ADGRF1: variants seen among roughly 807,000 people sequenced by gnomAD.
The protein encoded by ADGRF1 is G protein-coupled receptor 110.
In ADGRF1, 85 loss-of-function variants were observed where a neutral mutation model predicts 87.2. The ratio of observed to expected loss-of-function variants is 0.97; its 90% CI spans 0.82 to 1.17. The LOEUF (loss-of-function observed/expected upper bound fraction) is 1.17, where lower values mean the gene tolerates loss of function less well. Among genes scored for constraint, ADGRF1 ranks in the 50% most tolerant of loss-of-function variants. The pLI is 0.00. For missense variants in ADGRF1, 1,169 were observed against 1,077.2 expected (o/e 1.09, Z -1.19); for synonymous variants, 430 against 408.8 (o/e 1.05, Z -0.63).
intron 14 of ADGRF1, among the ~76,000 whole-genome samples, chr6:47,001,127 C>T (rs1779351959): frequency 6.6e-6 from 1 of 152,260 alleles, no homozygotes; most frequent in African/African-American, 2.4e-5. Flanking sequence ...TGGCCGCGTG[C>T]CCACTGCTTG....
rs773298837 is a variant in ADGRF1 at position 47,012,012 on chromosome 6, T to C, written c.1111A>G (p.Met371Val). 2 of 1,613,258 alleles carry C rather than the reference T, an allele frequency of 1.2e-6. No homozygotes were observed. The highest frequency in any genetic ancestry group is 8.5e-7 in the Non-Finnish European group (1 of 1,179,370). The change falls in exon 10 of 15, where the codon ATG becomes GTG. Residue 371 changes from methionine (M) to valine (V), a missense_variant. Met to Val is a conservative substitution (Grantham distance 21). Coordinates refer to ENST00000371253, the MANE Select transcript of ADGRF1 (RefSeq NM_153840.4). The stretch of plus-strand genomic sequence containing the variant: ...CAAGCACAGGCAGACCATACCTCCA[T>C]TGTTGAATTGGACACCCTGAAATGG... ...ASHFRVSNST[M>V]EDVISIADNI...
chr6:47,033,878 GC>G (rs1333155709), intron 1 of ADGRF1, among the ~76,000 whole-genome samples: 1 of 152,230 alleles, frequency 6.6e-6, no homozygotes, highest in Non-Finnish European at 1.5e-5. Flanking sequence ...AGAAAAGATA[GC>G]CACTTCCATC....
intron 12 of ADGRF1, among the ~76,000 whole-genome samples, chr6:47,006,734 A>G (rs907921278): frequency 3.3e-5 from 5 of 152,064 alleles, no homozygotes; most frequent in African/African-American, 1.2e-4. Context: ...ATGTCTTTGC[A>G]TCCTCAAAGC....
chr6:47,013,290 T>C, intron 9 of ADGRF1: 1 of 985,444 alleles, frequency 1.0e-6, no homozygotes, highest in African/African-American at 1.7e-5. Flanking sequence ...TAGTCTCAAC[T>C]ATTGCTCATG....
At chr6:47,040,471 C>CA (rs1458541188) in intron 1 of ADGRF1, among the ~76,000 whole-genome samples, 6 of 143,010 alleles carry the variant, frequency 4.2e-5, no homozygotes, top group African/African-American at 1.6e-4. Context: ...GACTCCGTCT[C>CA]AAAAAATAAA....
At position 47,020,175 on chromosome 6, in the gene ADGRF1, AC is replaced by A. The variant is rs1382891887; in HGVS notation, c.611+555del. 7.8e-6 allele frequency: 9 copies of A among 1,157,932 alleles called. No homozygotes were observed. In the East Asian group the frequency reaches 2.5e-4, roughly 32 times the overall value. The allele number at this position is 1,157,932 out of a possible 1,614,324, so 71.7% of individuals were successfully genotyped here. On this transcript the variant is annotated intron_variant, in intron 7 of 14. Transcript: ENST00000371253. ...GTTTTGTAGTTCTACTCACTGACCCACAGTTTTGAGAATGCTTTCCAATATT... is the reference window on the plus strand; with the variant it reads ...GTTTTGTAGTTCTACTCACTGACCCAAGTTTTGAGAATGCTTTCCAATATT...
At chr6:47,041,259 A>G (rs537659617) in intron 1 of ADGRF1, among the ~76,000 whole-genome samples, 2 of 152,374 alleles carry the variant, frequency 1.3e-5, no homozygotes, top group Non-Finnish European at 2.9e-5. Context: ...AACAGAGCAT[A>G]ATAAAAGGCT....
rs1779644366 is a variant in ADGRF1 at position 47,009,740 on chromosome 6, G to A, written c.1695C>T (p.His565=). ...TQDIVTCQCT[H]LTSFSILMSP... ...ACATCAATATGGAGAAGGAGGTCAA[G>A]TGAGTACATTGGCACGTCACGATGT... Residue 565 remains histidine (H), a synonymous_variant, in exon 11 of 15, where the codon CAC becomes CAT. Coordinates refer to ENST00000371253, the MANE Select transcript of ADGRF1 (RefSeq NM_153840.4). 6.2e-7 allele frequency: 1 copy of A among 1,614,232 alleles called. No homozygotes were observed. The highest frequency in any genetic ancestry group is 8.5e-7 in the Non-Finnish European group (1 of 1,180,030).
At chr6:47,014,646 G>T in intron 9 of ADGRF1, 35 bp downstream of exon 9, 1 of 1,598,780 alleles carries the variant, frequency 6.3e-7, no homozygotes, top group South Asian at 1.1e-5. Flanking sequence ...TGAAACTCAA[G>T]ACCAGGGCAA....
chr6:47,031,875 T>A (rs1159955426), intron 1 of ADGRF1, among the ~76,000 whole-genome samples: 1 of 152,132 alleles, frequency 6.6e-6, no homozygotes, highest in Non-Finnish European at 1.5e-5. Context: ...TACAGGCTAA[T>A]TCTTTTAATT....
intron 1 of ADGRF1, among the ~76,000 whole-genome samples, chr6:47,031,383 CT>C (rs1275629498): frequency 6.7e-6 from 1 of 149,630 alleles, no homozygotes; most frequent in African/African-American, 2.5e-5. Context: ...CTCTCTCTCT[CT>C]CTCCTTGAAA....
At chr6:47,010,470 C>A in intron 10 of ADGRF1, 152 bp from the exon 11 acceptor site, 1 of 722,750 alleles carries the variant, frequency 1.4e-6, no homozygotes, top group Non-Finnish European at 2.2e-6. Context: ...AAATTTAGCT[C>A]AGTTCATCTG....
intron 10 of ADGRF1, among the ~76,000 whole-genome samples, chr6:47,011,719 C>T (rs1316096922): frequency 6.6e-6 from 1 of 152,152 alleles, no homozygotes; most frequent in Non-Finnish European, 1.5e-5. Flanking sequence ...TTATAGATTG[C>T]AAACATGTTG....
At chr6:47,013,340 C>T in intron 9 of ADGRF1, 1 of 985,560 alleles carries the variant, frequency 1.0e-6, no homozygotes, top group Non-Finnish European at 1.2e-6. Flanking sequence ...AAGAAGAAAC[C>T]CCAGAATCTA....
At chr6:47,025,225 A>C (rs9381499) in intron 4 of ADGRF1, among the ~76,000 whole-genome samples, 1 of 152,226 alleles carries the variant, frequency 6.6e-6, no homozygotes, top group East Asian at 1.9e-4. Flanking sequence ...TGTGCAGTGA[A>C]TGGGTCTCAA....
At chr6:47,003,584 G>A (rs1043439973) in intron 13 of ADGRF1, among the ~76,000 whole-genome samples, 1 of 152,144 alleles carries the variant, frequency 6.6e-6, no homozygotes, top group African/African-American at 2.4e-5. Flanking sequence ...CCTTTCTATT[G>A]ATTCCAGGTC....
At chr6:47,013,126 A>G in intron 9 of ADGRF1, 1 of 985,442 alleles carries the variant, frequency 1.0e-6, no homozygotes, top group South Asian at 4.7e-5. Context: ...TTACTACACC[A>G]GGCTAACTTG....
chr6:47,007,639 T>A (rs551552941), intron 11 of ADGRF1, among the ~76,000 whole-genome samples: 34 of 152,366 alleles, frequency 2.2e-4, no homozygotes, highest in African/African-American at 7.2e-4. Flanking sequence ...ACCAGGCATT[T>A]GATGTCTAAG....
intron 1 of ADGRF1, among the ~76,000 whole-genome samples, chr6:47,040,625 T>TC (rs1018146821): frequency 1.3e-5 from 2 of 152,124 alleles, no homozygotes; most frequent in African/African-American, 2.4e-5. Context: ...GGGATGCCAC[T>TC]CCCCCACTTT....
Sources: allele counts gnomAD v4.1 joint callset (sites outside exome capture counted in the v4.1 genomes callset), GRCh38; gene constraint gnomAD v4.1.1; transcripts MANE v1.5; gene names NCBI Gene and HGNC (gene_info 2026-07-23, HGNC 2026-07-21).